Variants in PLD5 observed in about 807,000 individuals in gnomAD.
PLD5 encodes inactive phospholipase D5.
Under a neutral mutation model 61.1 loss-of-function variants are expected in PLD5, and 36 were observed. The observed-to-expected ratio is 0.59, with a 90% confidence interval of 0.45 to 0.78. The LOEUF (loss-of-function observed/expected upper bound fraction) is 0.78. PLD5 is among the 30% of genes least tolerant of loss of function. The pLI is 0.00. For missense variants in PLD5, 515 were observed against 644.4 expected (o/e 0.80, Z 2.17); for synonymous variants, 243 against 242.8 (o/e 1.00, Z -0.01).
At chr1:242,482,329 C>A (rs1667807514) in intron 1 of PLD5, among the ~76,000 whole-genome samples, 1 of 152,122 alleles carries the variant, frequency 6.6e-6, no homozygotes, top group Non-Finnish European at 1.5e-5. Flanking sequence ...AGATGAATGG[C>A]TAACTACAAT....
chr1:242,225,794 G>A (rs2149024400), intron 4 of PLD5, among the ~76,000 whole-genome samples: 1 of 152,362 alleles, frequency 6.6e-6, no homozygotes, highest in East Asian at 1.9e-4. Context: ...AAACATTTGG[G>A]TAGTTTCCAC....
chr1:242,500,576 G>A (rs1668521400), intron 1 of PLD5, among the ~76,000 whole-genome samples: 1 of 152,180 alleles, frequency 6.6e-6, no homozygotes, highest in Admixed American at 6.5e-5. Context: ...CAAGAAAGAT[G>A]TGACGGTTGG....
chr1:242,413,511 A>AAT (rs1664667243), intron 1 of PLD5, among the ~76,000 whole-genome samples: 1 of 152,186 alleles, frequency 6.6e-6, no homozygotes, highest in African/African-American at 2.4e-5. Flanking sequence ...AAGAACAATG[A>AAT]ATATTATGGC....
rs59917457 is a variant in PLD5 at position 242,297,467 on chromosome 1, G to T, written c.327-8937C>A. ...TGTCATCCAGGCTAGAGAACAGAGT[G>T]ATCAGTGGCTCACTGCAGCCTTGAA... On this transcript the variant is annotated intron_variant, in intron 2 of 9. Coordinates refer to ENST00000536534, the MANE Select transcript of PLD5 (RefSeq NM_001372062.1). Among the ~76,000 whole-genome samples, 458 of 148,406 alleles carry T rather than the reference G, an allele frequency of 3.1e-3. 6 individuals are homozygous for T. The highest frequency in any genetic ancestry group is 0.011 in the African/African-American group (442 of 39,822).
chr1:242,153,169 CTGTT>C (rs1188807289), intron 5 of PLD5, among the ~76,000 whole-genome samples: 1 of 152,046 alleles, frequency 6.6e-6, no homozygotes, highest in African/African-American at 2.4e-5. Flanking sequence ...TGAGAAGTGT[CTGTT>C]CATATCCTTT....
chr1:242,273,640 A>AT (rs1419412058), intron 3 of PLD5, among the ~76,000 whole-genome samples: 1 of 152,206 alleles, frequency 6.6e-6, no homozygotes, highest in Non-Finnish European at 1.5e-5. Context: ...GAGCCTGTCA[A>AT]TGTTACCTTA....
At chr1:242,386,395 G>A (rs1489094662) in intron 1 of PLD5, among the ~76,000 whole-genome samples, 1 of 152,172 alleles carries the variant, frequency 6.6e-6, no homozygotes, top group Non-Finnish European at 1.5e-5. Flanking sequence ...GTGAGCATCA[G>A]TAACAGTGGG....
chr1:242,485,188 T>C (rs894753572), intron 1 of PLD5, among the ~76,000 whole-genome samples: 2 of 152,208 alleles, frequency 1.3e-5, no homozygotes, highest in East Asian at 1.9e-4. Flanking sequence ...CTATTCAACA[T>C]AGTGTTGGAA....
chr1:242,427,337 C>A (rs1223984603), intron 1 of PLD5, among the ~76,000 whole-genome samples: 1 of 152,106 alleles, frequency 6.6e-6, no homozygotes. Context: ...ATTAATATAA[C>A]CAAATAATAT....
Position 242,234,592 on chromosome 1 carries a change from A to G in PLD5, c.608-14477T>C, listed in dbSNP as rs373291861. ...TGGAGCAGAAAATGGGGACCTAGGG[A>G]GAGGGTTTGGGTGGTCCAACTTAAC... is the stretch of plus-strand genomic sequence containing the variant. On this transcript the variant is annotated intron_variant, in intron 4 of 9. Transcript: ENST00000536534. Among the ~76,000 whole-genome samples the G allele has an allele frequency of 5.0e-4, 76 of 151,950 alleles. No homozygotes were observed. In the South Asian group the frequency reaches 0.015, roughly 29 times the overall value.
rs556215122 is a variant in PLD5, at chr1:242,134,138, G to T, written c.736-9473C>A. Among the ~76,000 whole-genome samples, 38 of 152,268 alleles carry T rather than the reference G, an allele frequency of 2.5e-4. No homozygotes were observed. The South Asian group carries it at 7.7e-3, about 31-fold the overall frequency. The stretch of plus-strand genomic sequence containing the variant: ...CTGAGTGACTGTATTTCCCTTTCAG[G>T]TTTGTAAAATAAACATCCCACCCCA... On this transcript the variant is annotated intron_variant, in intron 5 of 9. Transcript: ENST00000536534.
chr1:242,366,448 T>C (rs1661344820), intron 1 of PLD5, among the ~76,000 whole-genome samples: 1 of 152,206 alleles, frequency 6.6e-6, no homozygotes, highest in African/African-American at 2.4e-5. Context: ...TTTTAGGAAA[T>C]TCTCATTATT....
At chr1:242,451,010 C>A (rs1420471084) in intron 1 of PLD5, among the ~76,000 whole-genome samples, 1 of 152,202 alleles carries the variant, frequency 6.6e-6, no homozygotes, top group African/African-American at 2.4e-5. Context: ...TCATCCCATC[C>A]TGAGGTCCTT....
In PLD5 at chr1:242,256,630, C is replaced by T. The variant is rs1271805301; in HGVS notation, c.607+8707G>A. ...AGAGCAGCTCTCAGCAGACACTGAA[C>T]CTGCTGGTGCCTTGATCTTAAACTT... On this transcript the variant is annotated intron_variant, in intron 4 of 9. Transcript: ENST00000536534. This position sits in a 1 kb window ranked among gnomAD's most constrained non-coding sequence, Gnocchi z 5.7. 1.3e-5 allele frequency among the ~76,000 whole-genome samples: 2 copies of T among 152,178 alleles called. No homozygotes were observed. Among genetic ancestry groups the T allele is most frequent in the Non-Finnish European group, 2.9e-5 (2 of 68,030 alleles).
rs1574718545 is a variant in PLD5 at position 242,316,097 on chromosome 1, G to A, written c.327-27567C>T. On this transcript the variant is annotated intron_variant, in intron 2 of 9. Coordinates refer to ENST00000536534, the MANE Select transcript of PLD5 (RefSeq NM_001372062.1). ...AAGGAGGGGAAATTGTATTCCACAG[G>A]ATTTATGTAAGGAGTAAATGCCACA... Among the ~76,000 whole-genome samples the A allele has an allele frequency of 1.4e-4, 21 of 152,312 alleles. No individual in the cohort carries two copies. In the South Asian group the frequency reaches 3.5e-3, roughly 26 times the overall value.
At chr1:242,191,267 G>T (rs1353690012) in intron 5 of PLD5, among the ~76,000 whole-genome samples, 3 of 152,002 alleles carry the variant, frequency 2.0e-5, no homozygotes, top group African/African-American at 7.2e-5. Context: ...AGTTAAGAGA[G>T]TTTATTTAAA....
chr1:242,213,211 G>A (rs371956394), intron 5 of PLD5, among the ~76,000 whole-genome samples: 24 of 152,192 alleles, frequency 1.6e-4, no homozygotes, highest in South Asian at 8.3e-4. Context: ...AAAAATTTGC[G>A]TTTACAATAA....
chr1:242,372,393 A>G (rs1407130646), intron 1 of PLD5, among the ~76,000 whole-genome samples: 1 of 152,186 alleles, frequency 6.6e-6, no homozygotes, highest in Non-Finnish European at 1.5e-5. Context: ...ATTCAATGCC[A>G]TCCCCATCAA....
rs534153501 is a variant in PLD5, at chr1:242,100,842, G to C, written c.1240-60C>G. 315 of 1,150,482 alleles carry C rather than the reference G, an allele frequency of 2.7e-4. 7 individuals are homozygous for C. The South Asian group carries it at 3.9e-3, about 14-fold the overall frequency. The allele number at this position is 1,150,482 out of a possible 1,614,324, so 71.3% of individuals were successfully genotyped here. A position where few individuals can be genotyped will look rare whatever the true frequency, so the allele number is the denominator to read the frequency against. ...GAGGAACGTTTCTGGTCTTGTCCAAGAGCACAAAAGAATGCATTATCCAAA... is the reference window on the plus strand; with the variant it reads ...GAGGAACGTTTCTGGTCTTGTCCAACAGCACAAAAGAATGCATTATCCAAA... On this transcript the variant is annotated intron_variant, in intron 8 of 9. Coordinates refer to ENST00000536534, the MANE Select transcript of PLD5 (RefSeq NM_001372062.1).
Sources: allele counts gnomAD v4.1 joint callset (sites outside exome capture counted in the v4.1 genomes callset), GRCh38; gene constraint gnomAD v4.1.1; non-coding constraint Gnocchi (gnomAD v3.1); transcripts MANE v1.5; gene names NCBI Gene and HGNC (gene_info 2026-07-23, HGNC 2026-07-21).